WDR19: variants seen among roughly 807,000 people sequenced by gnomAD.
WDR19 encodes the protein WD repeat domain 19.
Under a neutral mutation model 180.0 loss-of-function variants are expected in WDR19, and 121 were observed. That is an observed-to-expected ratio of 0.67 (90% CI 0.58 to 0.78). The LOEUF (loss-of-function observed/expected upper bound fraction) is 0.78. Among genes scored for constraint, WDR19 ranks in the 30% least tolerant of loss-of-function variants. The pLI is 0.00. For synonymous variants in WDR19, 497 were observed against 540.7 expected, an observed-to-expected ratio of 0.92 and a Z score of 1.12; for missense variants, 1,450 against 1,640.7, an observed-to-expected ratio of 0.88 and a Z score of 2.01.
intron 31 of WDR19, among the ~76,000 whole-genome samples, chr4:39,272,657 C>T (rs553591170): frequency 9.8e-5 from 15 of 152,350 alleles, no homozygotes; most frequent in African/African-American, 3.6e-4. Flanking sequence ...CTGACTCACA[C>T]AGCTTTTGGG....
intron 4 of WDR19, among the ~76,000 whole-genome samples, chr4:39,192,778 A>G (rs970809957): frequency 6.6e-6 from 1 of 152,218 alleles, no homozygotes; most frequent in African/African-American, 2.4e-5. Flanking sequence ...ATTGTAGCAC[A>G]GTTCTAATTA....
chr4:39,197,427 AAAAAAAAAAAAAAAAAAAGAAAG>A (rs1007468667), intron 5 of WDR19, among the ~76,000 whole-genome samples: 51 of 1,392 alleles, frequency 0.037, no homozygotes, highest in Admixed American at 0.042. Context: ...CTCTATCTCA[AAAAAAAAAAAAAAAAAAAGAAAG>A]AAAAAGAAAA....
At chr4:39,272,541 C>T (rs866190198) in intron 31 of WDR19, among the ~76,000 whole-genome samples, 23 of 152,332 alleles carry the variant, frequency 1.5e-4, no homozygotes, top group Middle Eastern at 3.4e-3. Flanking sequence ...GTCACTGACC[C>T]TCCTGGTCCT....
At chr4:39,238,148 A>C (rs556750932) in intron 20 of WDR19, among the ~76,000 whole-genome samples, 1 of 152,354 alleles carries the variant, frequency 6.6e-6, no homozygotes, top group East Asian at 1.9e-4. Flanking sequence ...TCCTTGTGAT[A>C]ATAGGAACTA....
At chr4:39,274,768 A>C (rs1735733183) in intron 32 of WDR19, 40 bp from the exon 33 acceptor site, 1 of 1,600,640 alleles carries the variant, frequency 6.2e-7, no homozygotes, top group Non-Finnish European at 8.5e-7. Context: ...TGAGGACAGC[A>C]GACACTGTGC....
At chr4:39,235,616 T>C (rs1254107972) in intron 20 of WDR19, among the ~76,000 whole-genome samples, 1 of 152,162 alleles carries the variant, frequency 6.6e-6, no homozygotes, top group African/African-American at 2.4e-5. Context: ...TATAGTTTTT[T>C]CTAACAAAAG....
Position 39,189,665 on chromosome 4 carries a change from T to G in WDR19, c.174T>G (p.Val58=). The G allele has an allele frequency of 6.3e-7, 1 of 1,594,902 alleles. No individual in the cohort carries two copies. The highest frequency in any genetic ancestry group is 8.5e-7 in the Non-Finnish European group (1 of 1,172,654). Residue 58 remains valine (V), a synonymous_variant, in exon 4 of 37, where the codon GTT becomes GTG. Transcript: ENST00000399820. ...CTCTCTTTTTTAAAAGTAACTGTGT[T>G]GCCATGGATTGGGATAAAGATGGAG... ...RSEINLPGNC[V]AMDWDKDGDV... is the part of the protein sequence containing the mutation.
intron 36 of WDR19, among the ~76,000 whole-genome samples, chr4:39,285,008 C>T (rs1222818720): frequency 6.6e-6 from 1 of 151,778 alleles, no homozygotes; most frequent in African/African-American, 2.4e-5. Context: ...ATAATCATGC[C>T]TATGAACAGC....
intron 17 of WDR19, among the ~76,000 whole-genome samples, chr4:39,230,176 A>C (rs770571300): frequency 1.3e-5 from 2 of 152,158 alleles, no homozygotes; most frequent in African/African-American, 4.8e-5. Flanking sequence ...TAGGCACTTC[A>C]TGATTTAACA....
At chr4:39,281,915 C>T (rs1736578644) in intron 36 of WDR19, among the ~76,000 whole-genome samples, 1 of 152,094 alleles carries the variant, frequency 6.6e-6, no homozygotes, top group South Asian at 2.1e-4. Flanking sequence ...GCCCTTAGCT[C>T]CTACAGGCAG....
At chr4:39,202,682 A>G (rs569215094) in intron 6 of WDR19, among the ~76,000 whole-genome samples, 7 of 122,364 alleles carry the variant, frequency 5.7e-5, no homozygotes, top group Non-Finnish European at 1.2e-4. Context: ...ACAAAAGTAC[A>G]TATGCACTTA....
chr4:39,254,022 A>G lies in WDR19; in HGVS notation c.2993A>G (p.Asp998Gly). 6.2e-7 allele frequency: 1 copy of G among 1,609,220 alleles called. No individual in the cohort carries two copies. The highest frequency in any genetic ancestry group is 8.5e-7 in the Non-Finnish European group (1 of 1,177,524). The part of the protein sequence containing the change: ...QQHNKMEIYA[D>G]IIGSEDTTNE... ...CACAACAAAATGGAAATCTATGCAG[A>G]TATTATTGGTAAATATCATTTTTTC... is the stretch of plus-strand genomic sequence containing the variant. Residue 998 changes from aspartate (D) to glycine (G), a missense_variant, in exon 26 of 37, where the codon GAT becomes GGT. By Grantham distance (94) the Asp-to-Gly change is moderately conservative. Transcript: ENST00000399820.
At position 39,249,638 on chromosome 4, in the gene WDR19, C is replaced by A. The variant is rs560491497; in HGVS notation, c.2730-3508C>A. Among the ~76,000 whole-genome samples, 22 of 152,080 alleles carry A rather than the reference C, an allele frequency of 1.4e-4. No individual in the cohort carries two copies. The South Asian group carries it at 4.4e-3, about 30-fold the overall frequency. On this transcript the variant is annotated intron_variant, in intron 24 of 36. Coordinates refer to ENST00000399820, the MANE Select transcript of WDR19 (RefSeq NM_025132.4). ...ACAAAAGAGAGAAGAATCAAATAGA[C>A]GCAATAAAAAATGACAAAGGGGATA...
intron 36 of WDR19, among the ~76,000 whole-genome samples, chr4:39,284,521 T>TA (rs1736954691): frequency 1.0e-5 from 1 of 100,322 alleles, no homozygotes; most frequent in Non-Finnish European, 1.9e-5. Flanking sequence ...TTCTTTTTTT[T>TA]AGACATGGGG....
intron 1 of WDR19, among the ~76,000 whole-genome samples, chr4:39,184,569 G>A (rs1466103273): frequency 6.6e-6 from 1 of 151,802 alleles, no homozygotes; most frequent in African/African-American, 2.4e-5. Context: ...CGGGTTCAAG[G>A]GATTCTCGTG....
rs764648658 is a variant in WDR19, at chr4:39,199,483, C to T, written c.412C>T (p.His138Tyr). Residue 138 changes from histidine to tyrosine, a missense_variant, in exon 6 of 37, where the codon CAT becomes TAT. Coordinates refer to ENST00000399820, the MANE Select transcript of WDR19 (RefSeq NM_025132.4). ...TSRKIPVLGK[H>Y]TKRITCGCWN... ...AAAAATAATCTCTTTTTCAGGAAAACATACTAAGAGAATCACTTGTGGATG... is the reference window on the plus strand; with the variant it reads ...AAAAATAATCTCTTTTTCAGGAAAATATACTAAGAGAATCACTTGTGGATG... 1.2e-6 allele frequency: 2 copies of T among 1,610,668 alleles called. No individual in the cohort carries two copies. Among genetic ancestry groups the T allele is most frequent in the Admixed American group, 1.7e-5 (1 of 59,550 alleles).
chr4:39,240,408 G>A (rs1731811938), intron 21 of WDR19, 74 bp downstream of exon 21: 1 of 938,380 alleles, frequency 1.1e-6, no homozygotes, highest in African/African-American at 1.8e-5. Flanking sequence ...AAAAATCATG[G>A]TCTTATTTGT....
In WDR19 at chr4:39,208,766, G is replaced by C. The variant is rs188438176; in HGVS notation, c.890+3030G>C. Among the ~76,000 whole-genome samples, 288 of 152,136 alleles carry C rather than the reference G, an allele frequency of 1.9e-3. 3 individuals are homozygous for C. Among genetic ancestry groups the C allele is most frequent in the Non-Finnish European group, 3.5e-3 (236 of 68,028 alleles). On this transcript the variant is annotated intron_variant, in intron 9 of 36. Coordinates refer to ENST00000399820, the MANE Select transcript of WDR19 (RefSeq NM_025132.4). Reference sequence around the variant, plus strand: ...CATTGATATGTTTGAACTTGGCACAGCATTTAACCTTGTATTAGGTACTGT... The same window carrying C: ...CATTGATATGTTTGAACTTGGCACACCATTTAACCTTGTATTAGGTACTGT...
rs545403880 is a variant in WDR19, at chr4:39,268,839, A to T, written c.3358+748A>T. 4.6e-5 allele frequency among the ~76,000 whole-genome samples: 7 copies of T among 152,340 alleles called. No individual in the cohort carries two copies. The East Asian group carries it at 1.3e-3, about 29-fold the overall frequency. ...AGTAAATTCAGAGTTGGACGGGATG[A>T]CAAGTGCCAGACTAGAAAGAGAAAT... On this transcript the variant is annotated intron_variant, in intron 30 of 36. Coordinates refer to ENST00000399820, the MANE Select transcript of WDR19 (RefSeq NM_025132.4).
Sources: allele counts gnomAD v4.1 joint callset (sites outside exome capture counted in the v4.1 genomes callset), GRCh38; gene constraint gnomAD v4.1.1; transcripts MANE v1.5; gene names NCBI Gene and HGNC (gene_info 2026-07-23, HGNC 2026-07-21).